Variants in SGIP1 observed in about 807,000 individuals in gnomAD.
SGIP1 encodes the protein SH3GL interacting endocytic adaptor 1.
SGIP1 carries 38 observed loss-of-function variants against 107.5 expected under a neutral mutation model. The observed-to-expected ratio is 0.35, with a 90% confidence interval of 0.27 to 0.46. The LOEUF (loss-of-function observed/expected upper bound fraction) is 0.46, where lower values mean the gene tolerates loss of function less well. SGIP1 is among the 20% of genes least tolerant of loss of function. The pLI, the probability that SGIP1 is intolerant of heterozygous loss-of-function variation, is 1.00. For missense variants in SGIP1, 929 were observed against 1,019.5 expected (o/e 0.91, Z 1.21); for synonymous variants, 365 against 366.1 (o/e 1.00, Z 0.03).
chr1:66,745,525 T>A lies in SGIP1; in HGVS notation c.*2430T>A, dbSNP rs371388730. On this transcript the variant is annotated 3_prime_UTR_variant, in exon 25 of 25. Coordinates refer to ENST00000371037, the MANE Select transcript of SGIP1 (RefSeq NM_032291.4). ...CATCTATATCCACAGTACTGTAGAATAAGAATTCATGTCCTGAAAATGGTC... is the reference window on the plus strand; with the variant it reads ...CATCTATATCCACAGTACTGTAGAAAAAGAATTCATGTCCTGAAAATGGTC... The A allele has an allele frequency of 1.1e-4, 16 of 152,224 alleles. No individual in the cohort carries two copies. The East Asian group carries it at 1.2e-3, about 11-fold the overall frequency. 9.4% of individuals were successfully genotyped at this position (152,224 alleles called of 1,614,324 possible). A position where few individuals can be genotyped will look rare whatever the true frequency, so the allele number is the denominator to read the frequency against.
intron 20 of SGIP1, among the ~76,000 whole-genome samples, chr1:66,730,377 A>G (rs963919969): frequency 6.6e-6 from 1 of 152,194 alleles, no homozygotes; most frequent in African/African-American, 2.4e-5. Flanking sequence ...TAAAATGATC[A>G]ATTATACAAG....
At chr1:66,577,277 T>A (rs1254972986) in intron 1 of SGIP1, among the ~76,000 whole-genome samples, 1 of 152,176 alleles carries the variant, frequency 6.6e-6, no homozygotes, top group Non-Finnish European at 1.5e-5. Flanking sequence ...GGCATGTGCT[T>A]ACAGCCTGGA....
intron 1 of SGIP1, among the ~76,000 whole-genome samples, chr1:66,579,505 GT>G (rs2061532173): frequency 6.6e-6 from 1 of 152,172 alleles, no homozygotes; most frequent in Admixed American, 6.5e-5. Context: ...TCTGGACCAT[GT>G]TTCTTAAATT....
At chr1:66,724,989 A>G (rs187103953) in intron 19 of SGIP1, among the ~76,000 whole-genome samples, 9 of 152,274 alleles carry the variant, frequency 5.9e-5, no homozygotes, top group African/African-American at 1.9e-4. Flanking sequence ...TCAAGAGTAG[A>G]CTCAGCTTGA....
chr1:66,711,298 T>C (rs1203954343), intron 18 of SGIP1, among the ~76,000 whole-genome samples: 1 of 152,084 alleles, frequency 6.6e-6, no homozygotes, highest in Non-Finnish European at 1.5e-5. Flanking sequence ...ATCCTCCCAA[T>C]GTCTGTAAAA....
chr1:66,550,106 T>C (rs2057177189), intron 1 of SGIP1, among the ~76,000 whole-genome samples: 1 of 152,300 alleles, frequency 6.6e-6, no homozygotes, highest in East Asian at 1.9e-4. Flanking sequence ...GGGATATTCC[T>C]TCTCATTATT....
At chr1:66,701,191 A>T (rs1025165839) in intron 18 of SGIP1, among the ~76,000 whole-genome samples, 1 of 152,172 alleles carries the variant, frequency 6.6e-6, no homozygotes, top group African/African-American at 2.4e-5. Context: ...AAAGATACTA[A>T]TTCATTCATT....
At chr1:66,731,411 C>A (rs1026020227) in intron 20 of SGIP1, among the ~76,000 whole-genome samples, 1 of 152,166 alleles carries the variant, frequency 6.6e-6, no homozygotes, top group Non-Finnish European at 1.5e-5. Context: ...AGTTCTTAGG[C>A]ATATGTGCAA....
Position 66,679,773 on chromosome 1 carries a change from T to C in SGIP1, c.814+21T>C, listed in dbSNP as rs757181008. On this transcript the variant is annotated intron_variant, in intron 14 of 24. Transcript: ENST00000371037. ...ACCAGGTACGCTTTTGTTTTTTCAG[T>C]TCTGGGATGATGTGTCAAACAGAGC... 7 of 1,578,674 alleles carry C rather than the reference T, an allele frequency of 4.4e-6. No individual in the cohort carries two copies. The East Asian group carries it at 1.4e-4, about 32-fold the overall frequency.
chr1:66,672,052 T>C, intron 11 of SGIP1, 57 bp downstream of exon 11: 1 of 1,535,162 alleles, frequency 6.5e-7, no homozygotes, highest in Non-Finnish European at 9.0e-7. Flanking sequence ...CTTTTAACAA[T>C]TAAGCAAATC....
chr1:66,745,940 C>G lies in SGIP1; in HGVS notation c.*2845C>G, dbSNP rs1487714762. 1.3e-5 allele frequency: 2 copies of G among 151,982 alleles called. No homozygotes were observed. The highest frequency in any genetic ancestry group is 2.4e-5 in the African/African-American group (1 of 41,388). The allele number at this position is 151,982 out of a possible 1,614,324, so 9.4% of individuals were successfully genotyped here. The stretch of plus-strand genomic sequence containing the variant: ...TTTTAATCATTTTTAAAGCTGTGTT[C>G]TTCTCTACACCCACAGCCAAAATGG... On this transcript the variant is annotated 3_prime_UTR_variant, in exon 25 of 25. Transcript: ENST00000371037.
chr1:66,711,583 G>T (rs2092922667), intron 18 of SGIP1, among the ~76,000 whole-genome samples: 1 of 152,088 alleles, frequency 6.6e-6, no homozygotes, highest in Non-Finnish European at 1.5e-5. Flanking sequence ...ACATCTTCTG[G>T]AGCGTCGTCT....
intron 7 of SGIP1, among the ~76,000 whole-genome samples, chr1:66,659,089 A>C (rs1442155374): frequency 1.3e-5 from 2 of 152,194 alleles, no homozygotes; most frequent in Non-Finnish European, 2.9e-5. Flanking sequence ...CCAAAGCATT[A>C]AATTCCATAG....
chr1:66,623,260 T>C (rs558318770), intron 1 of SGIP1, among the ~76,000 whole-genome samples: 1 of 152,328 alleles, frequency 6.6e-6, no homozygotes, highest in South Asian at 2.1e-4. Flanking sequence ...TTCAACCTTT[T>C]TTTTTTGGAG....
chr1:66,680,776 C>A (rs1374654442), intron 14 of SGIP1, among the ~76,000 whole-genome samples: 3 of 152,322 alleles, frequency 2.0e-5, no homozygotes, highest in African/African-American at 7.2e-5. Context: ...AAAGTTAATT[C>A]CTTTCAAGCT....
chr1:66,561,421 G>T (rs747284131), intron 1 of SGIP1, among the ~76,000 whole-genome samples: 4 of 151,886 alleles, frequency 2.6e-5, no homozygotes, highest in Non-Finnish European at 5.9e-5. Context: ...AATAAGCATG[G>T]TAAAAAATCT....
In SGIP1 at chr1:66,556,460, T is replaced by C. The variant is rs527888970; in HGVS notation, c.10+22092T>C. ...ATGAAAATGAAGTGGGCATTTGTAT[T>C]TCCCCACTGATTGAGTTGGCTCAAC... On this transcript the variant is annotated intron_variant, in intron 1 of 24. Coordinates refer to ENST00000371037, the MANE Select transcript of SGIP1 (RefSeq NM_032291.4). Among the ~76,000 whole-genome samples the C allele has an allele frequency of 1.0e-3, 156 of 152,238 alleles. No homozygotes were observed. The South Asian group carries it at 0.012, about 12-fold the overall frequency.
chr1:66,594,834 G>A (rs1312776535), intron 1 of SGIP1, among the ~76,000 whole-genome samples: 3 of 152,048 alleles, frequency 2.0e-5, no homozygotes, highest in Non-Finnish European at 2.9e-5. Flanking sequence ...CAAGATTGTG[G>A]GAGACTTAAT....
intron 18 of SGIP1, among the ~76,000 whole-genome samples, chr1:66,705,946 G>A (rs1398424102): frequency 2.0e-5 from 3 of 151,996 alleles, no homozygotes; most frequent in East Asian, 1.9e-4. Context: ...TGGGTGACGG[G>A]TTGACGGGTG....
Sources: gnomAD v4.1 joint callset for allele counts (sites outside exome capture counted in the v4.1 genomes callset) on GRCh38, gnomAD v4.1.1 for gene constraint, MANE v1.5 for transcripts, NCBI Gene and HGNC (gene_info 2026-07-23, HGNC 2026-07-21) for gene names.